Variants in GALNT14 observed in about 807,000 individuals in gnomAD.
GALNT14 encodes UDP-GalNAc:polypeptide N-acetylgalactosaminyltransferase 14.
In GALNT14, 60 loss-of-function variants were observed where a neutral mutation model predicts 77.5. The ratio of observed to expected loss-of-function variants is 0.77; its 90% CI spans 0.63 to 0.96. The LOEUF (loss-of-function observed/expected upper bound fraction) is 0.96, where lower values mean the gene tolerates loss of function less well. Ranked by LOEUF, GALNT14 falls within the 40% of genes least tolerant of loss-of-function variation. The pLI is 0.00. For missense variants in GALNT14, 710 were observed against 731.0 expected (o/e 0.97, Z 0.33); for synonymous variants, 280 against 281.7 (o/e 0.99, Z 0.06).
chr2:30,891,392 C>T, the GALNT14 span, among the ~76,000 whole-genome samples: 2 of 152,142 alleles, frequency 1.3e-5, no homozygotes, highest in Non-Finnish European at 2.9e-5. Flanking sequence ...TAAGGGTTTA[C>T]TAACAGGTGG....
At chr2:30,893,301 G>C in the GALNT14 span, among the ~76,000 whole-genome samples, 1 of 152,146 alleles carries the variant, frequency 6.6e-6, no homozygotes, top group African/African-American at 2.4e-5. Flanking sequence ...ATGATGATTT[G>C]CTTGAGATTA....
At chr2:31,004,619 C>T (rs1670558340) in intron 1 of GALNT14, among the ~76,000 whole-genome samples, 1 of 152,180 alleles carries the variant, frequency 6.6e-6, no homozygotes, top group Non-Finnish European at 1.5e-5. Context: ...AGGCCAAATC[C>T]TCCCAGGGTG....
At chr2:31,120,815 C>CA (rs1391056778) in intron 1 of GALNT14, among the ~76,000 whole-genome samples, 1 of 152,274 alleles carries the variant, frequency 6.6e-6, no homozygotes, top group South Asian at 2.1e-4. Context: ...CCTCGGCCCC[C>CA]AAAGTGCTGG....
chr2:30,960,891 T>C (rs1667653635), intron 3 of GALNT14, among the ~76,000 whole-genome samples: 2 of 152,222 alleles, frequency 1.3e-5, no homozygotes, highest in African/African-American at 2.4e-5. Context: ...CCCCACACCC[T>C]TCCTTTGCCT....
At chr2:30,949,444 T>C (rs1016258444) in intron 6 of GALNT14, among the ~76,000 whole-genome samples, 1 of 152,120 alleles carries the variant, frequency 6.6e-6, no homozygotes, top group African/African-American at 2.4e-5. Flanking sequence ...GGATGTATCT[T>C]TAAAGCAAGG....
intron 1 of GALNT14, among the ~76,000 whole-genome samples, chr2:30,993,470 G>A (rs1417231660): frequency 1.3e-5 from 2 of 152,196 alleles, no homozygotes; most frequent in Non-Finnish European, 2.9e-5. Context: ...TTGCCCCATG[G>A]CTGGCACAGA....
chr2:31,029,889 TA>T (rs1158344445), intron 1 of GALNT14, among the ~76,000 whole-genome samples: 2 of 152,236 alleles, frequency 1.3e-5, no homozygotes, highest in Non-Finnish European at 1.5e-5. Context: ...CCCCACTAGC[TA>T]TAATGCCAAT....
intron 2 of GALNT14, among the ~76,000 whole-genome samples, chr2:30,984,877 G>T (rs953671025): frequency 2.0e-5 from 3 of 152,142 alleles, no homozygotes; most frequent in African/African-American, 4.8e-5. Context: ...GGCTAAGATG[G>T]AAATAACTAC....
chr2:31,070,798 T>C (rs1675315421), intron 1 of GALNT14, among the ~76,000 whole-genome samples: 1 of 152,194 alleles, frequency 6.6e-6, no homozygotes, highest in Non-Finnish European at 1.5e-5. Flanking sequence ...TTTGGAAGTT[T>C]GAGTAATTTG....
intron 2 of GALNT14, among the ~76,000 whole-genome samples, chr2:30,983,959 C>T (rs1419015977): frequency 6.6e-6 from 1 of 152,166 alleles, no homozygotes; most frequent in African/African-American, 2.4e-5. Context: ...AGCTGTGTGA[C>T]CCTGGACAAG....
chr2:31,136,767 G>T (rs1230042015), intron 1 of GALNT14, among the ~76,000 whole-genome samples: 1 of 152,136 alleles, frequency 6.6e-6, no homozygotes, highest in Non-Finnish European at 1.5e-5. Context: ...CTTAAGGTAC[G>T]TGACTTAAAG....
chr2:30,927,041 T>C (rs1665428535), intron 11 of GALNT14, among the ~76,000 whole-genome samples: 1 of 152,156 alleles, frequency 6.6e-6, no homozygotes, highest in Non-Finnish European at 1.5e-5. Context: ...TGAATAAGTT[T>C]AAATGATGAT....
intron 1 of GALNT14, among the ~76,000 whole-genome samples, chr2:31,070,821 T>G (rs1016184982): frequency 1.1e-4 from 16 of 152,188 alleles, no homozygotes; most frequent in African/African-American, 3.6e-4. Flanking sequence ...GTTTAAAGGA[T>G]GCAGAGAGGC....
In GALNT14 at chr2:30,981,488, G is replaced by A. The variant is rs79908660; in HGVS notation, c.299+11350C>T. ...CAAATCAGCCTACATGTGCACCTCA[G>A]GCTAGGAGAGGTCTGGTGACCTGCA... is the stretch of plus-strand genomic sequence containing the variant. On this transcript the variant is annotated intron_variant, in intron 2 of 14. Transcript: ENST00000349752. Among the ~76,000 whole-genome samples the A allele has an allele frequency of 7.2e-5, 11 of 152,334 alleles. No individual in the cohort carries two copies. The East Asian group carries it at 1.5e-3, about 21-fold the overall frequency.
chr2:30,954,184 T>C (rs1422848517), intron 6 of GALNT14, among the ~76,000 whole-genome samples: 1 of 152,078 alleles, frequency 6.6e-6, no homozygotes, highest in Non-Finnish European at 1.5e-5. Flanking sequence ...TGGTCAGAGC[T>C]GGAGCAGTGG....
chr2:31,091,689 T>C (rs1000916), intron 1 of GALNT14, among the ~76,000 whole-genome samples: 9,396 of 152,292 alleles, frequency 0.062, 436 homozygotes, highest in African/African-American at 0.13. Flanking sequence ...GGTGAGGGTT[T>C]GCTCTCTGAT....
rs369437493 is a variant in GALNT14 at position 30,952,010 on chromosome 2, C to G, written c.654+3608G>C. ...CACCGTGCCCTGGACCTCAGCCCCT[C>G]ATTTCTTTCTGAGATGAACTTCTTG... On this transcript the variant is annotated intron_variant, in intron 6 of 14. Transcript: ENST00000349752. Among the ~76,000 whole-genome samples the G allele has an allele frequency of 3.4e-3, 520 of 152,332 alleles. 4 individuals are homozygous for G. The highest frequency in any genetic ancestry group is 0.012 in the African/African-American group (489 of 41,578).
chr2:31,120,196 C>A (rs146588328), intron 1 of GALNT14, among the ~76,000 whole-genome samples: 15 of 148,162 alleles, frequency 1.0e-4, no homozygotes, highest in South Asian at 4.4e-4. Context: ...GCTAGCTGAC[C>A]AGTAGGATTT....
intron 1 of GALNT14, among the ~76,000 whole-genome samples, chr2:31,043,941 T>A (rs942873983): frequency 4.8e-5 from 4 of 82,762 alleles, no homozygotes; most frequent in African/African-American, 1.1e-4. Flanking sequence ...GCCCTGCAGT[T>A]ACAGCGTGCT....
Sources: allele counts gnomAD v4.1 joint callset (sites outside exome capture counted in the v4.1 genomes callset), GRCh38; gene constraint gnomAD v4.1.1; transcripts MANE v1.5; gene names NCBI Gene and HGNC (gene_info 2026-07-23, HGNC 2026-07-21).